EML6: variants seen among roughly 807,000 people sequenced by gnomAD.
EML6 encodes echinoderm microtubule-associated protein-like 6.
In EML6, 154 loss-of-function variants were observed where a neutral mutation model predicts 240.1. The ratio of observed to expected loss-of-function variants is 0.64; its 90% CI spans 0.56 to 0.73. The LOEUF (loss-of-function observed/expected upper bound fraction) is 0.73, where lower values mean the gene tolerates loss of function less well. Among genes scored for constraint, EML6 ranks in the 30% least tolerant of loss-of-function variants. The probability of loss-of-function intolerance (pLI) is 0.00; values close to 1 mark genes in which losing one functional copy is unlikely to be tolerated. For missense variants in EML6, 2,964 were observed against 2,474.6 expected (o/e 1.20, Z -4.20); for synonymous variants, 1,148 against 899.0 (o/e 1.28, Z -4.95).
At chr2:54,914,652 T>C (rs543284658) in intron 25 of EML6, among the ~76,000 whole-genome samples, 5 of 152,342 alleles carry the variant, frequency 3.3e-5, no homozygotes, top group East Asian at 1.9e-4. Flanking sequence ...TTCCAACTGA[T>C]GCTTTCTTGG....
intron 32 of EML6, among the ~76,000 whole-genome samples, chr2:54,955,029 A>C (rs11125551): frequency 0.92 from 140,147 of 152,254 alleles, 64,570 homozygotes; most frequent in Middle Eastern, 0.99. Context: ...AGTTCCAGTC[A>C]CTCCTGAGCA....
chr2:54,859,839 A>G (rs1670581577), intron 12 of EML6, 138 bp downstream of exon 12: 1 of 686,928 alleles, frequency 1.5e-6, no homozygotes, highest in Non-Finnish European at 2.3e-6. Flanking sequence ...ATTTTAAGAT[A>G]AGAAGAAACT....
At chr2:54,801,538 G>C (rs1055775942) in intron 2 of EML6, among the ~76,000 whole-genome samples, 2 of 152,176 alleles carry the variant, frequency 1.3e-5, no homozygotes, top group African/African-American at 2.4e-5. Flanking sequence ...GCTCTGAGGA[G>C]GGCGTGCTTG....
intron 26 of EML6, among the ~76,000 whole-genome samples, chr2:54,927,114 G>A (rs570511102): frequency 2.6e-5 from 4 of 152,206 alleles, no homozygotes; most frequent in African/African-American, 9.6e-5. Context: ...CTTTTGTTCT[G>A]CCTATTTGCT....
At chr2:54,770,362 A>G (rs1357186529) in intron 2 of EML6, among the ~76,000 whole-genome samples, 1 of 152,218 alleles carries the variant, frequency 6.6e-6, no homozygotes, top group Non-Finnish European at 1.5e-5. Context: ...ACTTGGGACC[A>G]CTTGCTTTCC....
chr2:54,875,376 A>T (rs1671452849), intron 16 of EML6, among the ~76,000 whole-genome samples: 1 of 152,198 alleles, frequency 6.6e-6, no homozygotes, highest in Non-Finnish European at 1.5e-5. Flanking sequence ...CAGGGCACTG[A>T]CGTGACACTC....
chr2:54,820,718 C>A (rs909445402), intron 5 of EML6, among the ~76,000 whole-genome samples: 6 of 152,100 alleles, frequency 3.9e-5, no homozygotes, highest in Admixed American at 3.9e-4. Flanking sequence ...AATTAAATAT[C>A]GAACTGAAGA....
At chr2:54,811,605 G>T (rs997097106) in intron 2 of EML6, among the ~76,000 whole-genome samples, 3 of 152,118 alleles carry the variant, frequency 2.0e-5, no homozygotes, top group Non-Finnish European at 2.9e-5. Context: ...TATGTCTATG[G>T]TACTGTCCCT....
intron 17 of EML6, chr2:54,879,872 A>G (rs1671724756): frequency 1.9e-6 from 1 of 516,604 alleles, no homozygotes; most frequent in South Asian, 2.7e-5. Flanking sequence ...GCAGAGAGTC[A>G]TTCACCGCTT....
Position 54,836,056 on chromosome 2 carries a change from T to G in EML6, c.847+6579T>G, listed in dbSNP as rs558703593. On this transcript the variant is annotated intron_variant, in intron 7 of 41. Transcript: ENST00000356458. ...TCTCCCTGTGTGCCCACCATTTTTC[T>G]CTGGGCTTGCCCTTCAGCCTCACTG... 2.0e-5 allele frequency among the ~76,000 whole-genome samples: 3 copies of G among 152,340 alleles called. No homozygotes were observed. The South Asian group carries it at 6.2e-4, about 32-fold the overall frequency.
intron 17 of EML6, among the ~76,000 whole-genome samples, chr2:54,888,927 G>T (rs977342244): frequency 6.6e-6 from 1 of 152,158 alleles, no homozygotes; most frequent in East Asian, 1.9e-4. Context: ...AGTTTTGTGA[G>T]AAATTGCCAA....
chr2:54,769,894 C>G (rs989751753), intron 2 of EML6, among the ~76,000 whole-genome samples: 2 of 152,168 alleles, frequency 1.3e-5, no homozygotes, highest in African/African-American at 4.8e-5. Context: ...TCCCAGTTTT[C>G]TCCTCCTCTC....
chr2:54,851,978 G>C (rs1670114956), intron 10 of EML6, among the ~76,000 whole-genome samples: 1 of 152,146 alleles, frequency 6.6e-6, no homozygotes, highest in African/African-American at 2.4e-5. Flanking sequence ...GAAAAGAATA[G>C]TCTATTGAAA....
chr2:54,729,142 G>T (rs1683043128), intron 2 of EML6, among the ~76,000 whole-genome samples: 1 of 152,232 alleles, frequency 6.6e-6, no homozygotes, highest in East Asian at 1.9e-4. Flanking sequence ...TATCTCCTTT[G>T]TAGTTTGTTG....
intron 2 of EML6, among the ~76,000 whole-genome samples, chr2:54,807,494 T>C (rs1670559792): frequency 6.6e-6 from 1 of 152,204 alleles, no homozygotes. Flanking sequence ...AAACAATAAA[T>C]TAAGCCCTGA....
chr2:54,725,330 G>A lies in EML6; in HGVS notation c.197+72G>A. On this transcript the variant is annotated intron_variant, in intron 2 of 41. Coordinates refer to ENST00000356458, the MANE Select transcript of EML6 (RefSeq NM_001039753.4). This position sits in a 1 kb window ranked among gnomAD's most constrained non-coding sequence, Gnocchi z 4.3. ...TGGGAAGGTGGGAAGCGGTTGACCT[G>A]GGGTCGGATCCGGGAGCCCCGTGGA... 5.0e-6 allele frequency: 6 copies of A among 1,205,992 alleles called. No individual in the cohort carries two copies. Among genetic ancestry groups the A allele is most frequent in the Non-Finnish European group, 6.6e-6 (6 of 904,782 alleles). The allele number at this position is 1,205,992 out of a possible 1,614,324, so 74.7% of individuals were successfully genotyped here.
intron 2 of EML6, among the ~76,000 whole-genome samples, chr2:54,805,714 A>G (rs1670432864): frequency 6.6e-6 from 1 of 152,082 alleles, no homozygotes; most frequent in Non-Finnish European, 1.5e-5. Flanking sequence ...GTAATGGTTC[A>G]TGCTTGTTTG....
At chr2:54,757,657 T>C (rs1667796007) in intron 2 of EML6, among the ~76,000 whole-genome samples, 1 of 152,152 alleles carries the variant, frequency 6.6e-6, no homozygotes, top group Admixed American at 6.5e-5. Context: ...GTGGACTCAC[T>C]GTTCTTTACA....
At chr2:54,953,449 C>T (rs1182212021) in intron 31 of EML6, among the ~76,000 whole-genome samples, 1 of 152,176 alleles carries the variant, frequency 6.6e-6, no homozygotes, top group Non-Finnish European at 1.5e-5. Flanking sequence ...CGTATAAAAT[C>T]CTCTGCAAGT....
Sources: gnomAD v4.1 joint callset for allele counts (sites outside exome capture counted in the v4.1 genomes callset) on GRCh38, gnomAD v4.1.1 for gene constraint, Gnocchi (gnomAD v3.1) non-coding constraint, MANE v1.5 for transcripts, NCBI Gene and HGNC (gene_info 2026-07-23, HGNC 2026-07-21) for gene names.